RUNX1: variants seen among roughly 807,000 people sequenced by gnomAD.
The protein encoded by RUNX1 is runt-related transcription factor 1.
A neutral mutation model predicts 42.8 loss-of-function variants in RUNX1; 19 were observed. That is an observed-to-expected ratio of 0.44 (90% CI 0.31 to 0.65). The LOEUF (loss-of-function observed/expected upper bound fraction) is 0.65, where lower values mean the gene tolerates loss of function less well. Among genes scored for constraint, RUNX1 ranks in the 30% least tolerant of loss-of-function variants. The pLI is 0.07. For synonymous variants in RUNX1, 271 were observed against 289.4 expected, an observed-to-expected ratio of 0.94 and a Z score of 0.64; for missense variants, 528 against 672.0, an observed-to-expected ratio of 0.79 and a Z score of 2.37.
At chr21:34,888,893 G>C (rs1248092162) in intron 3 of RUNX1, among the ~76,000 whole-genome samples, 1 of 151,608 alleles carries the variant, frequency 6.6e-6, no homozygotes, top group Non-Finnish European at 1.5e-5. Flanking sequence ...TACGCAGCCC[G>C]GGCGGGGAGT....
At chr21:34,997,081 A>G (rs2059002016) in intron 2 of RUNX1, among the ~76,000 whole-genome samples, 2 of 152,260 alleles carry the variant, frequency 1.3e-5, no homozygotes, top group Admixed American at 6.5e-5. Context: ...AGTTTCCACA[A>G]TGAGAAACAT....
chr21:34,935,135 C>A (rs1038368827), intron 2 of RUNX1, among the ~76,000 whole-genome samples: 3 of 152,124 alleles, frequency 2.0e-5, no homozygotes, highest in African/African-American at 7.2e-5. Context: ...AAATACACTT[C>A]TATAATGAAA....
chr21:34,979,349 T>A (rs530844795), intron 2 of RUNX1, among the ~76,000 whole-genome samples: 96 of 152,126 alleles, frequency 6.3e-4, no homozygotes, highest in Non-Finnish European at 1.2e-3. Context: ...TTTGTTTGCA[T>A]AGGTTGGCAA....
chr21:34,918,657 C>T (rs552240656), intron 2 of RUNX1, among the ~76,000 whole-genome samples: 1 of 152,330 alleles, frequency 6.6e-6, no homozygotes, highest in South Asian at 2.1e-4. Flanking sequence ...CGCCTGTCAT[C>T]CTAGCACTTT....
intron 7 of RUNX1, among the ~76,000 whole-genome samples, chr21:34,824,469 A>G (rs539207262): frequency 1.3e-5 from 2 of 152,352 alleles, no homozygotes; most frequent in East Asian, 3.9e-4. Flanking sequence ...ACAGAAGAAA[A>G]GCCTATGAAA....
intron 2 of RUNX1, among the ~76,000 whole-genome samples, chr21:34,932,050 G>A (rs1272256837): frequency 6.6e-6 from 1 of 152,128 alleles, no homozygotes; most frequent in East Asian, 1.9e-4. Context: ...GAAAAGGTAA[G>A]GACAGTGCAG....
chr21:35,034,002 TTTTAAG>T (rs1490231536), intron 2 of RUNX1, among the ~76,000 whole-genome samples: 3 of 152,218 alleles, frequency 2.0e-5, no homozygotes, highest in South Asian at 2.1e-4. Context: ...AGATAACTTA[TTTTAAG>T]TTTATTTCAC....
At chr21:34,943,654 GT>G (rs2058544331) in intron 2 of RUNX1, among the ~76,000 whole-genome samples, 1 of 152,096 alleles carries the variant, frequency 6.6e-6, no homozygotes, top group South Asian at 2.1e-4. Context: ...TTATGTTGAT[GT>G]TTTTTCACCC....
intron 2 of RUNX1, among the ~76,000 whole-genome samples, chr21:34,936,149 T>C (rs2058483229): frequency 6.7e-6 from 1 of 149,614 alleles, no homozygotes; most frequent in Admixed American, 6.7e-5. Context: ...GAATTGAATT[T>C]ATGACTCAAG....
intron 2 of RUNX1, among the ~76,000 whole-genome samples, chr21:34,903,687 G>A (rs935682949): frequency 6.6e-6 from 1 of 152,144 alleles, no homozygotes; most frequent in East Asian, 1.9e-4. Flanking sequence ...ATCAGCCTTA[G>A]AGTATTCTAT....
chr21:35,040,591 G>A (rs2059350110), intron 2 of RUNX1, among the ~76,000 whole-genome samples: 1 of 151,688 alleles, frequency 6.6e-6, no homozygotes, highest in Non-Finnish European at 1.5e-5. Context: ...GGCCAACATG[G>A]TGAAAACCTG....
At chr21:34,991,754 G>A (rs2058943458) in intron 2 of RUNX1, among the ~76,000 whole-genome samples, 1 of 152,198 alleles carries the variant, frequency 6.6e-6, no homozygotes. Flanking sequence ...TAGAACCTCA[G>A]AATGTGACCT....
chr21:34,948,353 C>CAAGA (rs1173656458), intron 2 of RUNX1, among the ~76,000 whole-genome samples: 2 of 152,100 alleles, frequency 1.3e-5, no homozygotes, highest in Non-Finnish European at 2.9e-5. Flanking sequence ...CCACCTCAAG[C>CAAGA]AAGAGTGACT....
rs148220861 is a variant in RUNX1 at position 34,844,913 on chromosome 21, C to T, written c.614-10312G>A. 3.0e-3 allele frequency among the ~76,000 whole-genome samples: 456 copies of T among 152,326 alleles called. 2 individuals are homozygous for T. The highest frequency in any genetic ancestry group is 0.011 in the African/African-American group (441 of 41,578). ...CAGGGTACCCTGGCCACTCACAGCTCCTGAGTACTCACTAGTACAAAAGCC... is the reference window on the plus strand; with the variant it reads ...CAGGGTACCCTGGCCACTCACAGCTTCTGAGTACTCACTAGTACAAAAGCC... On this transcript the variant is annotated intron_variant, in intron 6 of 8. Coordinates refer to ENST00000675419, the MANE Select transcript of RUNX1 (RefSeq NM_001754.5).
intron 2 of RUNX1, among the ~76,000 whole-genome samples, chr21:34,920,118 C>T (rs2058342809): frequency 6.6e-6 from 1 of 152,066 alleles, no homozygotes; most frequent in Non-Finnish European, 1.5e-5. Context: ...AAAAAGTACT[C>T]TTCATATTTA....
chr21:34,923,742 C>G (rs1432774791), intron 2 of RUNX1, among the ~76,000 whole-genome samples: 1 of 113,502 alleles, frequency 8.8e-6, no homozygotes, highest in African/African-American at 4.6e-5. Flanking sequence ...CACTGCAACT[C>G]TGTTGATTTT....
At chr21:34,999,026 AAGG>A (rs1345218515) in intron 2 of RUNX1, among the ~76,000 whole-genome samples, 5 of 152,224 alleles carry the variant, frequency 3.3e-5, no homozygotes, top group Admixed American at 3.3e-4. Flanking sequence ...ACATGGCAAT[AAGG>A]AGGTCTGTTC....
chr21:34,825,872 G>A (rs965967886), intron 7 of RUNX1, among the ~76,000 whole-genome samples: 1 of 152,154 alleles, frequency 6.6e-6, no homozygotes, highest in Non-Finnish European at 1.5e-5. Flanking sequence ...ATATAAAGAG[G>A]GAAGAAGAAG....
Position 34,941,926 on chromosome 21 carries a change from A to G in RUNX1, c.59-48963T>C, listed in dbSNP as rs1331222565. On this transcript the variant is annotated intron_variant, in intron 2 of 8. Coordinates refer to ENST00000675419, the MANE Select transcript of RUNX1 (RefSeq NM_001754.5). ...TTACTTCATCTCAGTAATGCAGAAA[A>G]CTCCTTAAACTGTTGATTTTCTTTT... Among the ~76,000 whole-genome samples, 5 of 151,280 alleles carry G rather than the reference A, an allele frequency of 3.3e-5. No individual in the cohort carries two copies. The East Asian group carries it at 9.7e-4, about 29-fold the overall frequency.
Sources: allele counts gnomAD v4.1 joint callset (sites outside exome capture counted in the v4.1 genomes callset), GRCh38; gene constraint gnomAD v4.1.1; transcripts MANE v1.5; gene names NCBI Gene and HGNC (gene_info 2026-07-23, HGNC 2026-07-21).